The following WWP2 variants were observed in gnomAD, a reference collection of about 807,000 sequenced individuals.
WWP2 encodes the protein NEDD4-like E3 ubiquitin-protein ligase WWP2.
WWP2 carries 57 observed loss-of-function variants against 121.0 expected under a neutral mutation model. The observed-to-expected ratio is 0.47, with a 90% CI of 0.38 to 0.59. The LOEUF is 0.59. Ranked by LOEUF, WWP2 falls within the 20% of genes least tolerant of loss-of-function variation. The probability of loss-of-function intolerance (pLI) is 0.00; values close to 1 mark genes in which losing one functional copy is unlikely to be tolerated. For missense variants in WWP2, 962 were observed against 1,158.9 expected, an observed-to-expected ratio of 0.83 and a Z score of 2.47; for synonymous variants, 449 against 441.3, an observed-to-expected ratio of 1.02 and a Z score of -0.22.
chr16:69,884,155 C>T (rs2057881412), intron 7 of WWP2, among the ~76,000 whole-genome samples: 2 of 152,196 alleles, frequency 1.3e-5, no homozygotes, highest in Non-Finnish European at 2.9e-5. Flanking sequence ...AAAACACACA[C>T]ATGTGTATGC....
At chr16:69,864,034 CT>C (rs920524912) in intron 6 of WWP2, among the ~76,000 whole-genome samples, 5 of 152,266 alleles carry the variant, frequency 3.3e-5, no homozygotes, top group Admixed American at 3.3e-4. Flanking sequence ...TGCATACAGG[CT>C]TTTATGCAAA....
rs374730088 is a variant in WWP2, at chr16:69,862,057, G to GTTGTT, written c.576-9735_576-9731dup. On this transcript the variant is annotated intron_variant, in intron 6 of 23. Coordinates refer to ENST00000359154, the MANE Select transcript of WWP2 (RefSeq NM_001270454.2). ...TTATAGGAGGAAAATCAATAATCAG[G>GTTGTT]TTGTTTTGTTTTGTTTGTTTGTTTT... is the stretch of plus-strand genomic sequence containing the variant. Among the ~76,000 whole-genome samples, 1,060 of 152,112 alleles carry GTTGTT rather than the reference G, an allele frequency of 7.0e-3. 9 individuals are homozygous for GTTGTT. The highest frequency in any genetic ancestry group is 0.024 in the African/African-American group (994 of 41,498).
At chr16:69,798,253 G>A (rs2056088213) in intron 2 of WWP2, among the ~76,000 whole-genome samples, 1 of 152,208 alleles carries the variant, frequency 6.6e-6, no homozygotes. Flanking sequence ...TATGTTCACG[G>A]TAATTTCCCC....
At chr16:69,882,205 C>G (rs1460215611) in intron 7 of WWP2, among the ~76,000 whole-genome samples, 1 of 152,174 alleles carries the variant, frequency 6.6e-6, no homozygotes, top group Non-Finnish European at 1.5e-5. Context: ...ATTCACTTGC[C>G]TCGGCCTCCC....
At chr16:69,907,102 G>A (rs2058306500) in intron 8 of WWP2, among the ~76,000 whole-genome samples, 1 of 152,202 alleles carries the variant, frequency 6.6e-6, no homozygotes, top group African/African-American at 2.4e-5. Context: ...TGTGGAAGCA[G>A]GTGTCAGAAG....
chr16:69,824,462 C>T (rs1230271487), intron 4 of WWP2, among the ~76,000 whole-genome samples: 1 of 152,030 alleles, frequency 6.6e-6, no homozygotes, highest in Non-Finnish European at 1.5e-5. Context: ...ACATCCAGGA[C>T]AGTAAGGCAC....
At chr16:69,928,638 G>T (rs1267211763) in intron 11 of WWP2, among the ~76,000 whole-genome samples, 2 of 152,184 alleles carry the variant, frequency 1.3e-5, no homozygotes, top group Admixed American at 6.5e-5. Flanking sequence ...GCCAGGCACG[G>T]TGGCTTATTG....
At chr16:69,833,020 A>ATTATT (rs915445275) in intron 4 of WWP2, among the ~76,000 whole-genome samples, 13 of 151,578 alleles carry the variant, frequency 8.6e-5, no homozygotes, top group Non-Finnish European at 1.6e-4. Flanking sequence ...CGTCCAACTA[A>ATTATT]TTATTTTATT....
chr16:69,828,596 C>G lies in WWP2; in HGVS notation c.341-11530C>G, dbSNP rs1398819866. Among the ~76,000 whole-genome samples, 4 of 152,108 alleles carry G rather than the reference C, an allele frequency of 2.6e-5. No homozygotes were observed. The East Asian group carries it at 7.7e-4, about 29-fold the overall frequency. ...GTCAGGCTGGTCTTGAACTCCTGAC[C>G]TCAGGTGATCCGCCTGCCTTGGCCT... On this transcript the variant is annotated intron_variant, in intron 4 of 23. Transcript: ENST00000359154.
intron 7 of WWP2, among the ~76,000 whole-genome samples, chr16:69,882,782 T>C (rs2057854754): frequency 6.6e-6 from 1 of 152,148 alleles, no homozygotes; most frequent in African/African-American, 2.4e-5. Context: ...TGCAGTCCTT[T>C]TGGGGAGATA....
chr16:69,886,152 G>A (rs545108048), intron 7 of WWP2, among the ~76,000 whole-genome samples: 1 of 152,146 alleles, frequency 6.6e-6, no homozygotes, highest in South Asian at 2.1e-4. Context: ...GTGCAATCAT[G>A]GCTCACTTCA....
intron 1 of WWP2, among the ~76,000 whole-genome samples, chr16:69,775,499 T>A (rs976653650): frequency 3.3e-5 from 5 of 152,208 alleles, no homozygotes; most frequent in Admixed American, 3.3e-4. Context: ...TTCTAGCATT[T>A]TCTGTTGACT....
chr16:69,908,804 G>A lies in WWP2; in HGVS notation c.958G>A (p.Asp320Asn). 1 of 1,614,128 alleles carries A rather than the reference G, an allele frequency of 6.2e-7. No individual in the cohort carries two copies. The highest frequency in any genetic ancestry group is 8.5e-7 in the Non-Finnish European group (1 of 1,180,026). ...GCCCAACGGACGTGTCTATTATGTT[G>A]ACCACAATACCAAGACCACCACCTG... ...ELPNGRVYYV[D>N]HNTKTTTWER... The change falls in exon 9 of 24, where the codon GAC becomes AAC. Residue 320 changes from aspartate to asparagine, a missense_variant. Physicochemically the swap from Asp to Asn is conservative, Grantham distance 23. Transcript: ENST00000359154.
At position 69,939,070 on chromosome 16, in the gene WWP2, A is replaced by T; in HGVS notation, c.2387A>T (p.Gln796Leu). 1.2e-6 allele frequency: 2 copies of T among 1,607,578 alleles called. No homozygotes were observed. Among genetic ancestry groups the T allele is most frequent in the Non-Finnish European group, 1.7e-6 (2 of 1,176,734 alleles). ...AACGAGAAGAGGATCCGGCTGCTGC[A>T]GTTTGTCACCGGTACCTGCCGCCTG... ...MDNEKRIRLL[Q>L]FVTGTCRLPV... Residue 796 changes from glutamine (Q) to leucine (L), a missense_variant, in exon 22 of 24, where the codon CAG (glutamine) becomes CTG (leucine). By Grantham distance (113) the Gln-to-Leu change is moderately radical (BLOSUM62 -2). Coordinates refer to ENST00000359154, the MANE Select transcript of WWP2 (RefSeq NM_001270454.2).
chr16:69,831,450 A>C (rs951414886), intron 4 of WWP2, among the ~76,000 whole-genome samples: 1 of 152,116 alleles, frequency 6.6e-6, no homozygotes, highest in African/African-American at 2.4e-5. Flanking sequence ...CAGTTTATGT[A>C]GTTTTTTTTC....
intron 1 of WWP2, among the ~76,000 whole-genome samples, chr16:69,785,034 G>C (rs547004683): frequency 1.7e-4 from 26 of 151,768 alleles, no homozygotes; most frequent in Non-Finnish European, 3.8e-4. Context: ...TTAGGAGTTC[G>C]AGACCAGCTT....
Position 69,888,197 on chromosome 16 carries a change from G to A in WWP2, c.862G>A (p.Gly288Ser). The A allele has an allele frequency of 6.2e-7, 1 of 1,614,158 alleles. No individual in the cohort carries two copies. Residue 288 changes from glycine to serine, a missense_variant, in exon 8 of 24, where the codon GGT becomes AGT. Coordinates refer to ENST00000359154, the MANE Select transcript of WWP2 (RefSeq NM_001270454.2). ...TGAAGGAGAGGAACCCAGCACTTCGGGTACACAGCAGCTCCCAGCGGCTGC... is the reference window on the plus strand; with the variant it reads ...TGAAGGAGAGGAACCCAGCACTTCGAGTACACAGCAGCTCCCAGCGGCTGC... Reference protein sequence around the residue: ...PAEGEEPSTSGTQQLPAAAQA... With the variant: ...PAEGEEPSTSSTQQLPAAAQA...
intron 6 of WWP2, among the ~76,000 whole-genome samples, chr16:69,867,904 C>G (rs2057558015): frequency 6.6e-6 from 1 of 152,192 alleles, no homozygotes; most frequent in African/African-American, 2.4e-5. Context: ...CTGGCTGTCT[C>G]AGCCATCACC....
chr16:69,890,550 A>G (rs1460970904), intron 8 of WWP2, among the ~76,000 whole-genome samples: 2 of 152,064 alleles, frequency 1.3e-5, no homozygotes, highest in Non-Finnish European at 2.9e-5. Flanking sequence ...TTTGGGGGGA[A>G]CAATGCAGAA....
Sources: allele counts gnomAD v4.1 joint callset (sites outside exome capture counted in the v4.1 genomes callset), GRCh38; gene constraint gnomAD v4.1.1; transcripts MANE v1.5; gene names NCBI Gene and HGNC (gene_info 2026-07-23, HGNC 2026-07-21).